Variants in UBAP2 observed in about 807,000 individuals in gnomAD.
UBAP2 encodes ubiquitin-associated protein 2.
A neutral mutation model predicts 139.6 loss-of-function variants in UBAP2; 75 were observed. The observed-to-expected ratio is 0.54, with a 90% CI of 0.45 to 0.65. The LOEUF (loss-of-function observed/expected upper bound fraction) is 0.65. Ranked by LOEUF, UBAP2 falls within the 30% of genes least tolerant of loss-of-function variation. UBAP2 has a pLI of 0.00. For synonymous variants in UBAP2, 526 were observed against 526.2 expected (o/e 1.00, Z 0.01); for missense variants, 1,368 against 1,369.6 (o/e 1.00, Z 0.02).
chr9:33,994,548 G>A (rs1452785404), intron 4 of UBAP2: 7 of 147,522 alleles, frequency 4.7e-5, no homozygotes, highest in Admixed American at 3.4e-4. Flanking sequence ...ACTCTCTGCT[G>A]TACCCATTAG....
intron 2 of UBAP2, among the ~76,000 whole-genome samples, chr9:34,004,368 C>T (rs895334924): frequency 6.6e-6 from 1 of 151,998 alleles, no homozygotes; most frequent in African/African-American, 2.4e-5. Context: ...GCTGTAGTCC[C>T]AGCTACCCCA....
At chr9:33,992,110 C>T (rs1285255494) in intron 4 of UBAP2, among the ~76,000 whole-genome samples, 1 of 151,916 alleles carries the variant, frequency 6.6e-6, no homozygotes, top group Non-Finnish European at 1.5e-5. Flanking sequence ...AAATTAGCAG[C>T]CGGGTGCAGT....
At chr9:34,028,944 C>T (rs1825649114) in intron 1 of UBAP2, among the ~76,000 whole-genome samples, 1 of 152,006 alleles carries the variant, frequency 6.6e-6, no homozygotes, top group African/African-American at 2.4e-5. Flanking sequence ...AAGTCCTCGT[C>T]TATACAATAA....
At chr9:33,998,900 C>A (rs1178388549) in intron 2 of UBAP2, 36 bp from the exon 3 acceptor site, 2 of 1,571,886 alleles carry the variant, frequency 1.3e-6, no homozygotes, top group East Asian at 2.2e-5. Flanking sequence ...GATTTGAACA[C>A]CAAAAGCATA....
chr9:33,942,700 C>T (rs1487093772), intron 15 of UBAP2, among the ~76,000 whole-genome samples: 3 of 149,652 alleles, frequency 2.0e-5, no homozygotes, highest in African/African-American at 7.3e-5. Context: ...TGCACTCCAG[C>T]CTGGACAACA....
intron 6 of UBAP2, among the ~76,000 whole-genome samples, chr9:33,975,796 C>G (rs1304387486): frequency 6.9e-6 from 1 of 144,864 alleles, no homozygotes; most frequent in Admixed American, 7.0e-5. Context: ...AACAAGACTC[C>G]GTCTCAAAAA....
At chr9:34,042,420 G>T (rs1229093147) in intron 1 of UBAP2, among the ~76,000 whole-genome samples, 1 of 148,862 alleles carries the variant, frequency 6.7e-6, no homozygotes, top group Non-Finnish European at 1.5e-5. Context: ...GGAGGTTGCA[G>T]TGAGCTGAGA....
At chr9:33,925,045 A>C (rs569500583) in intron 22 of UBAP2, among the ~76,000 whole-genome samples, 60 of 152,300 alleles carry the variant, frequency 3.9e-4, no homozygotes, top group African/African-American at 1.4e-3. Context: ...CAGATACAAC[A>C]AAGTGTGGAG....
chr9:34,034,879 C>A (rs1313078820), intron 1 of UBAP2, among the ~76,000 whole-genome samples: 1 of 35,858 alleles, frequency 2.8e-5, no homozygotes, highest in Admixed American at 3.8e-4. Flanking sequence ...TCAAAACAAA[C>A]AAACAAACAA....
chr9:33,941,595 TA>T (rs1825207495), intron 16 of UBAP2, 53 bp downstream of exon 16: 3 of 1,449,594 alleles, frequency 2.1e-6, no homozygotes, highest in Non-Finnish European at 2.9e-6. Context: ...AACCAAACAT[TA>T]ATTTCCAAAT....
chr9:33,998,941 TAAGGCTCTC>T, intron 2 of UBAP2, 77 bp from the exon 3 acceptor site: 3 of 1,212,754 alleles, frequency 2.5e-6, no homozygotes, highest in Non-Finnish European at 3.6e-6. Flanking sequence ...GTCAAACAGA[TAAGGCTCTC>T]AAGCACTAGA....
At chr9:33,970,419 T>C (rs1827830695) in intron 8 of UBAP2, among the ~76,000 whole-genome samples, 1 of 151,970 alleles carries the variant, frequency 6.6e-6, no homozygotes, top group Admixed American at 6.6e-5. Context: ...TGATGTTATA[T>C]GGATGTTTGT....
At chr9:33,963,067 A>AC (rs773296477) in intron 9 of UBAP2, among the ~76,000 whole-genome samples, 2 of 152,180 alleles carry the variant, frequency 1.3e-5, no homozygotes, top group Non-Finnish European at 2.9e-5. Flanking sequence ...ATTAAACACA[A>AC]CTTTGGACTT....
chr9:33,970,558 G>A (rs543242197), intron 8 of UBAP2, among the ~76,000 whole-genome samples: 7 of 150,334 alleles, frequency 4.7e-5, no homozygotes, highest in Non-Finnish European at 1.0e-4. Context: ...AGCCTCCCAA[G>A]CAGCTGGGAC....
At chr9:33,990,636 A>AGT (rs1821623852) in intron 4 of UBAP2, among the ~76,000 whole-genome samples, 1 of 22,420 alleles carries the variant, frequency 4.5e-5, no homozygotes, top group African/African-American at 1.3e-4. Flanking sequence ...AGTACCCCCC[A>AGT]ATTTTTTTTT....
At chr9:33,986,343 C>T (rs1587615967) in intron 6 of UBAP2, among the ~76,000 whole-genome samples, 2 of 152,122 alleles carry the variant, frequency 1.3e-5, no homozygotes, top group South Asian at 4.1e-4. Flanking sequence ...ACGTATTATA[C>T]ACTTCAAAAT....
chr9:33,948,500 C>T lies in UBAP2; in HGVS notation c.1144G>A (p.Ala382Thr), dbSNP rs185249054. Residue 382 changes from alanine to threonine, a missense_variant, in exon 13 of 29, where the codon GCT (alanine) becomes ACT (threonine). By Grantham distance (58) the Ala-to-Thr change is moderately conservative. Transcript: ENST00000379238. ...GTGGTAAACTGGCCCAAACTCGGAG[C>T]TTTCAACTGGTCCAAAATCTGGGAG... is the stretch of plus-strand genomic sequence containing the variant. The part of the protein sequence containing the change: ...TSSQILDQLK[A>T]PSLGQFTTTP... The T allele has an allele frequency of 3.3e-5, 53 of 1,614,152 alleles. No homozygotes were observed. The African/African-American group carries it at 5.2e-4, about 16-fold the overall frequency.
chr9:33,984,751 T>C (rs551321540), intron 6 of UBAP2, among the ~76,000 whole-genome samples: 1 of 151,634 alleles, frequency 6.6e-6, no homozygotes, highest in Non-Finnish European at 1.5e-5. Context: ...ACACAAAAAA[T>C]GCTCATCACT....
intron 1 of UBAP2, among the ~76,000 whole-genome samples, chr9:34,030,310 G>A (rs146755345): frequency 0.079 from 12,006 of 151,658 alleles, 672 homozygotes; most frequent in Non-Finnish European, 0.12. Context: ...TTAGCCAGGC[G>A]TGGTGGCGGG....
Sources: gnomAD v4.1 joint callset for allele counts (sites outside exome capture counted in the v4.1 genomes callset) on GRCh38, gnomAD v4.1.1 for gene constraint, MANE v1.5 for transcripts, NCBI Gene and HGNC (gene_info 2026-07-23, HGNC 2026-07-21) for gene names.